SHISA9: variants seen among roughly 807,000 people sequenced by gnomAD.
SHISA9 encodes the protein protein shisa-9.
Under a neutral mutation model 38.0 loss-of-function variants are expected in SHISA9, and 13 were observed. That is an observed-to-expected ratio of 0.34 (90% CI 0.22 to 0.54). SHISA9 has a LOEUF of 0.54. Ranked by LOEUF, SHISA9 falls within the 20% of genes least tolerant of loss-of-function variation. SHISA9 has a pLI of 0.91. For missense variants in SHISA9, 538 were observed against 575.8 expected (o/e 0.93, Z 0.67); for synonymous variants, 275 against 242.0 (o/e 1.14, Z -1.27).
the SHISA9 span, among the ~76,000 whole-genome samples, chr16:13,561,977 G>A: frequency 2.6e-5 from 4 of 152,192 alleles, no homozygotes; most frequent in African/African-American, 9.7e-5. Flanking sequence ...GACTGTGAGA[G>A]CTCTGTCTCT....
the SHISA9 span, among the ~76,000 whole-genome samples, chr16:13,429,878 G>T: frequency 6.6e-6 from 1 of 152,182 alleles, no homozygotes; most frequent in East Asian, 1.9e-4. Context: ...GCTAAATTGT[G>T]TCTCCCCCAA....
intron 2 of SHISA9, among the ~76,000 whole-genome samples, chr16:13,114,662 A>G (rs2074013276): frequency 6.6e-6 from 1 of 151,614 alleles, no homozygotes; most frequent in Non-Finnish European, 1.5e-5. Flanking sequence ...TGCCTTCAAC[A>G]CCCCACCCTC....
chr16:13,371,573 G>T, the SHISA9 span, among the ~76,000 whole-genome samples: 1 of 152,116 alleles, frequency 6.6e-6, no homozygotes. Context: ...TTGATTCAAT[G>T]GTAAGTGAAC....
chr16:13,047,656 G>A (rs900655686), intron 2 of SHISA9, among the ~76,000 whole-genome samples: 2 of 152,092 alleles, frequency 1.3e-5, no homozygotes, highest in Non-Finnish European at 2.9e-5. Context: ...AAGACCATCT[G>A]GAAAAAGTGA....
chr16:13,504,715 A>G, the SHISA9 span, among the ~76,000 whole-genome samples: 1 of 152,198 alleles, frequency 6.6e-6, no homozygotes. Flanking sequence ...GCATTGCTCC[A>G]TGCCATAATA....
In SHISA9 at chr16:13,128,571, T is replaced by C. The variant is rs114033606; in HGVS notation, c.692-74823T>C. ...ATGATCATGACTGAGATGGGGCATATAACACTCTTACCACAGTGCCAGACA... is the reference window on the plus strand; with the variant it reads ...ATGATCATGACTGAGATGGGGCATACAACACTCTTACCACAGTGCCAGACA... On this transcript the variant is annotated intron_variant, in intron 2 of 4. Coordinates refer to ENST00000558583, the MANE Select transcript of SHISA9 (RefSeq NM_001145204.3). Among the ~76,000 whole-genome samples the C allele has an allele frequency of 4.3e-3, 649 of 152,324 alleles. 8 individuals carry two copies. Among genetic ancestry groups the C allele is most frequent in the African/African-American group, 0.015 (619 of 41,578 alleles).
At chr16:13,024,188 C>T (rs561590469) in intron 2 of SHISA9, among the ~76,000 whole-genome samples, 1 of 152,302 alleles carries the variant, frequency 6.6e-6, no homozygotes, top group East Asian at 1.9e-4. Flanking sequence ...AAATTGAGCC[C>T]AGGTCTGCTG....
At chr16:13,018,359 G>T (rs79224022) in intron 2 of SHISA9, among the ~76,000 whole-genome samples, 3 of 152,164 alleles carry the variant, frequency 2.0e-5, no homozygotes, top group African/African-American at 7.2e-5. Context: ...AGAAGCTGTC[G>T]CAATGGCCAG....
At chr16:13,047,632 A>G (rs944952546) in intron 2 of SHISA9, among the ~76,000 whole-genome samples, 16 of 152,184 alleles carry the variant, frequency 1.1e-4, no homozygotes, top group Non-Finnish European at 4.4e-5. Context: ...CAATAAATAC[A>G]GAAAATTCCC....
the SHISA9 span, among the ~76,000 whole-genome samples, chr16:13,378,351 A>G: frequency 6.6e-6 from 1 of 152,078 alleles, no homozygotes; most frequent in Non-Finnish European, 1.5e-5. Flanking sequence ...AGCTCTCTCC[A>G]TGTGGTGGCA....
chr16:13,190,577 C>T (rs1002603084), intron 2 of SHISA9, among the ~76,000 whole-genome samples: 9 of 152,150 alleles, frequency 5.9e-5, no homozygotes, highest in African/African-American at 1.2e-4. Flanking sequence ...CTTGTGCTTG[C>T]GCGGGAACCT....
At chr16:13,537,581 A>G in the SHISA9 span, among the ~76,000 whole-genome samples, 1 of 152,216 alleles carries the variant, frequency 6.6e-6, no homozygotes, top group African/African-American at 2.4e-5. Flanking sequence ...GAGGAATGGA[A>G]GAAAGATTCG....
intron 2 of SHISA9, among the ~76,000 whole-genome samples, chr16:12,917,065 G>C (rs1343426262): frequency 1.3e-5 from 2 of 152,164 alleles, no homozygotes; most frequent in Admixed American, 6.5e-5. Flanking sequence ...CAGACTGCTC[G>C]ACTGGTTCAT....
At chr16:13,078,213 A>G (rs1310285097) in intron 2 of SHISA9, among the ~76,000 whole-genome samples, 2 of 152,216 alleles carry the variant, frequency 1.3e-5, no homozygotes, top group African/African-American at 4.8e-5. Flanking sequence ...AAGGATACCA[A>G]AATCTCTAGA....
chr16:12,902,139 G>C lies in SHISA9; in HGVS notation c.75G>C (p.Glu25Asp). 1 of 1,516,148 alleles carries C rather than the reference G, an allele frequency of 6.6e-7. No homozygotes were observed. The highest frequency in any genetic ancestry group is 2.6e-5 in the East Asian group (1 of 38,582). The allele number at this position is 1,516,148 out of a possible 1,614,324, so 93.9% of individuals were successfully genotyped here. Residue 25 changes from glutamate to aspartate, a missense_variant, in exon 1 of 5, where the codon GAG (glutamate) becomes GAC (aspartate). By Grantham distance (45) the Glu-to-Asp change is conservative. Around this residue, in one of 4 missense-constraint regions of SHISA9, gnomAD observed 107 missense variants for 103.0 expected, o/e 1.04. Coordinates refer to ENST00000558583, the MANE Select transcript of SHISA9 (RefSeq NM_001145204.3). ...GCGCCCGCGTGTGCCGGGCGCAGGA[G>C]CGAGCGGGACACGGGCAGCTGGCGC... ...ELCARVCRAQ[E>D]RAGHGQLAQL...
chr16:13,383,207 G>A, the SHISA9 span, among the ~76,000 whole-genome samples: 1 of 152,222 alleles, frequency 6.6e-6, no homozygotes, highest in Non-Finnish European at 1.5e-5. Context: ...GAGTGGTTAA[G>A]GATGGCCTTT....
the SHISA9 span, among the ~76,000 whole-genome samples, chr16:13,537,285 G>A: frequency 1.3e-5 from 2 of 151,882 alleles, no homozygotes; most frequent in Non-Finnish European, 2.9e-5. Context: ...AAAATTTACC[G>A]GGCATGGTGG....
At chr16:13,333,600 G>T in the SHISA9 span, among the ~76,000 whole-genome samples, 1 of 152,142 alleles carries the variant, frequency 6.6e-6, no homozygotes, top group African/African-American at 2.4e-5. Flanking sequence ...TTTTCGAAGG[G>T]ATAAATTGTC....
chr16:13,440,044 C>G, the SHISA9 span, among the ~76,000 whole-genome samples: 1 of 152,194 alleles, frequency 6.6e-6, no homozygotes, highest in Non-Finnish European at 1.5e-5. Context: ...AGGGTCAAAG[C>G]CTTCCTATAC....
Sources: allele counts gnomAD v4.1 joint callset (sites outside exome capture counted in the v4.1 genomes callset), GRCh38; gene constraint gnomAD v4.1.1; regional missense constraint gnomAD v4.1.1; transcripts MANE v1.5; gene names NCBI Gene and HGNC (gene_info 2026-07-23, HGNC 2026-07-21).